ATP13A4: variants seen among roughly 807,000 people sequenced by gnomAD.
The protein encoded by ATP13A4 is probable cation-transporting ATPase 13A4.
ATP13A4 carries 114 observed loss-of-function variants against 142.5 expected under a neutral mutation model. The observed-to-expected ratio is 0.80, with a 90% CI of 0.69 to 0.93. The LOEUF (loss-of-function observed/expected upper bound fraction) is 0.93, where lower values mean the gene tolerates loss of function less well. Ranked by LOEUF, ATP13A4 falls within the 40% of genes least tolerant of loss-of-function variation. The pLI is 0.00. For missense variants in ATP13A4, 1,392 were observed against 1,454.0 expected (o/e 0.96, Z 0.69); for synonymous variants, 488 against 514.8 (o/e 0.95, Z 0.70).
At chr3:193,548,296 C>G (rs1448017220) in intron 1 of ATP13A4, among the ~76,000 whole-genome samples, 1 of 152,096 alleles carries the variant, frequency 6.6e-6, no homozygotes, top group East Asian at 1.9e-4. Context: ...CGCTATCATG[C>G]CCGGAGTTTT....
chr3:193,438,341 T>C (rs1716422298), intron 23 of ATP13A4, 134 bp downstream of exon 23: 1 of 738,222 alleles, frequency 1.4e-6, no homozygotes, highest in Non-Finnish European at 2.4e-6. Context: ...GTAGAATGCT[T>C]GACTGCATTC....
chr3:193,578,339 A>C (rs906399800), intron 2 of ATP13A4, among the ~76,000 whole-genome samples: 5 of 134,094 alleles, frequency 3.7e-5, no homozygotes, highest in Non-Finnish European at 8.1e-5. Context: ...ATCTATATCT[A>C]TATCTATCTA....
intron 3 of ATP13A4, among the ~76,000 whole-genome samples, chr3:193,498,394 G>A (rs948620440): frequency 6.6e-6 from 1 of 152,060 alleles, no homozygotes; most frequent in Non-Finnish European, 1.5e-5. Flanking sequence ...GAAAAGGGAA[G>A]GGTTGACGCT....
intron 3 of ATP13A4, among the ~76,000 whole-genome samples, chr3:193,500,856 T>C (rs964702996): frequency 6.6e-6 from 1 of 152,236 alleles, no homozygotes; most frequent in Non-Finnish European, 1.5e-5. Flanking sequence ...GTTTTGTTAC[T>C]AGCATAGCTC....
At chr3:193,465,281 G>A (rs373333177) in intron 11 of ATP13A4, among the ~76,000 whole-genome samples, 153 bp from the exon 12 acceptor site, 246 of 152,124 alleles carry the variant, frequency 1.6e-3, no homozygotes, top group Non-Finnish European at 2.7e-3. Context: ...TCCACCTCCC[G>A]GGTTCAAGCG....
chr3:193,467,195 A>G, intron 10 of ATP13A4, 121 bp downstream of exon 10: 2 of 1,066,862 alleles, frequency 1.9e-6, no homozygotes, highest in Non-Finnish European at 2.7e-6. Context: ...ACAAAAATTA[A>G]AAATTAAAAA....
chr3:193,529,141 A>G (rs1577054594), intron 1 of ATP13A4, among the ~76,000 whole-genome samples: 1 of 151,966 alleles, frequency 6.6e-6, no homozygotes, highest in African/African-American at 2.4e-5. Context: ...ATGGTGGCAC[A>G]TGCCTGTAGT....
At chr3:193,427,644 C>T (rs1295886908) in intron 25 of ATP13A4, among the ~76,000 whole-genome samples, 1 of 152,184 alleles carries the variant, frequency 6.6e-6, no homozygotes, top group Non-Finnish European at 1.5e-5. Flanking sequence ...CACACATCTA[C>T]AACCATCTGA....
At chr3:193,491,965 C>T (rs946767159) in intron 5 of ATP13A4, among the ~76,000 whole-genome samples, 2 of 152,186 alleles carry the variant, frequency 1.3e-5, no homozygotes, top group Non-Finnish European at 1.5e-5. Context: ...TTTGATTATG[C>T]AGAGGAAAGA....
chr3:193,504,020 T>TGTGTGTGA lies in ATP13A4; in HGVS notation c.235-1382_235-1381insTCACACAC, dbSNP rs1034644341. 1.4e-4 allele frequency among the ~76,000 whole-genome samples: 20 copies of TGTGTGTGA among 144,316 alleles called. 1 individual carries two copies. Among genetic ancestry groups the TGTGTGTGA allele is most frequent in the African/African-American group, 5.2e-4 (20 of 38,666 alleles). 94.7% of individuals were successfully genotyped at this position (144,316 alleles called of 152,430 possible). A position where few individuals can be genotyped will look rare whatever the true frequency, so the allele number is the denominator to read the frequency against. ...ATGTGTGTGTGTGTGTGTGTGTGTGTGAGAGAGAGAGAGAGAGAGAGAAAG... is the reference window on the plus strand; with the variant it reads ...ATGTGTGTGTGTGTGTGTGTGTGTGTGTGTGTGAGAGAGAGAGAGAGAGAGAGAGAAAG... On this transcript the variant is annotated intron_variant, in intron 2 of 29. Transcript: ENST00000342695.
At chr3:193,441,712 C>A (rs1017010909) in intron 19 of ATP13A4, 124 bp from the exon 20 acceptor site, 2 of 1,147,376 alleles carry the variant, frequency 1.7e-6, no homozygotes, top group Non-Finnish European at 2.6e-6. Flanking sequence ...ACTCTGATTC[C>A]TCAGAGAAGC....
chr3:193,402,972 C>T, intron 29 of ATP13A4, 108 bp from the exon 30 acceptor site: 2 of 1,017,214 alleles, frequency 2.0e-6, no homozygotes, highest in Non-Finnish European at 3.0e-6. Flanking sequence ...TTAGATCCAG[C>T]TTGACAAAGA....
intron 26 of ATP13A4, among the ~76,000 whole-genome samples, chr3:193,413,982 GT>G (rs1714914154): frequency 6.6e-6 from 1 of 152,090 alleles, no homozygotes; most frequent in Non-Finnish European, 1.5e-5. Flanking sequence ...AAAACCTGCT[GT>G]TTTTGCAGCT....
intron 25 of ATP13A4, among the ~76,000 whole-genome samples, 153 bp downstream of exon 25, chr3:193,433,691 AT>A (rs1716101547): frequency 6.6e-6 from 1 of 152,214 alleles, no homozygotes; most frequent in Admixed American, 6.5e-5. Context: ...AAAAATGAGG[AT>A]TCTATTTCCT....
intron 1 of ATP13A4, chr3:193,553,200 G>A (rs1031376575): frequency 1.3e-5 from 2 of 152,188 alleles, no homozygotes; most frequent in East Asian, 1.9e-4. Flanking sequence ...ACAAAACTAC[G>A]TGGAGTTCTC....
intron 21 of ATP13A4, 41 bp downstream of exon 21, chr3:193,440,517 C>A: frequency 6.2e-7 from 1 of 1,612,814 alleles, no homozygotes; most frequent in South Asian, 1.1e-5. Flanking sequence ...ACTGTTATGC[C>A]TCCATGCAGT....
intron 1 of ATP13A4, among the ~76,000 whole-genome samples, chr3:193,516,230 G>A (rs972504451): frequency 6.6e-5 from 10 of 152,254 alleles, no homozygotes; most frequent in African/African-American, 2.4e-4. Flanking sequence ...AGATTACATT[G>A]CCAGGAAAGG....
At chr3:193,573,301 A>ATATGTG (rs1414490731) in intron 2 of ATP13A4, among the ~76,000 whole-genome samples, 8 of 78,992 alleles carry the variant, frequency 1.0e-4, no homozygotes, top group South Asian at 4.2e-4. Context: ...ACATATATAT[A>ATATGTG]TATATACATA....
intron 18 of ATP13A4, among the ~76,000 whole-genome samples, chr3:193,445,704 C>A (rs1451602835): frequency 1.3e-5 from 2 of 152,042 alleles, no homozygotes; most frequent in Non-Finnish European, 2.9e-5. Context: ...TTGCACTGAG[C>A]CGAGATCAGG....
Sources: gnomAD v4.1 joint callset for allele counts (sites outside exome capture counted in the v4.1 genomes callset) on GRCh38, gnomAD v4.1.1 for gene constraint, MANE v1.5 for transcripts, NCBI Gene and HGNC (gene_info 2026-07-23, HGNC 2026-07-21) for gene names.